LYPD6B: variants seen among roughly 807,000 people sequenced by gnomAD.
LYPD6B encodes ly6/PLAUR domain-containing protein 6B.
In LYPD6B, 17 loss-of-function variants were observed where a neutral mutation model predicts 22.8. That is an observed-to-expected ratio of 0.75 (90% CI 0.51 to 1.12). The LOEUF is 1.12. Ranked by LOEUF, LYPD6B falls within the 50% of genes most tolerant of loss-of-function variation. The probability of loss-of-function intolerance (pLI) is 0.00; values close to 1 mark genes in which losing one functional copy is unlikely to be tolerated. For synonymous variants in LYPD6B, 106 were observed against 91.6 expected, an observed-to-expected ratio of 1.16 and a Z score of -0.90; for missense variants, 221 against 258.3, an observed-to-expected ratio of 0.86 and a Z score of 0.99.
chr2:149,190,431 A>G (rs758732298), intron 3 of LYPD6B, among the ~76,000 whole-genome samples: 25 of 152,230 alleles, frequency 1.6e-4, no homozygotes, highest in Admixed American at 3.9e-4. Context: ...CCTGTAGAAT[A>G]AAACTAGAGT....
intron 1 of LYPD6B, among the ~76,000 whole-genome samples, chr2:149,067,719 A>G (rs945638268): frequency 2.0e-5 from 3 of 151,982 alleles, no homozygotes; most frequent in Non-Finnish European, 2.9e-5. Flanking sequence ...TTTAAATTTT[A>G]TATAATTTAG....
chr2:149,064,451 C>T (rs1474093542), intron 1 of LYPD6B, among the ~76,000 whole-genome samples: 1 of 152,180 alleles, frequency 6.6e-6, no homozygotes, highest in African/African-American at 2.4e-5. Flanking sequence ...CAACATGTCA[C>T]CAGTTATCTT....
chr2:149,073,752 G>C (rs1684753616), intron 1 of LYPD6B, among the ~76,000 whole-genome samples: 2 of 152,110 alleles, frequency 1.3e-5, no homozygotes, highest in East Asian at 3.9e-4. Flanking sequence ...TCTGCAGGCA[G>C]GGTGATGCAC....
chr2:149,054,136 A>G (rs780965639), intron 1 of LYPD6B, among the ~76,000 whole-genome samples: 13 of 152,360 alleles, frequency 8.5e-5, no homozygotes, highest in Admixed American at 2.0e-4. Flanking sequence ...TTGTTGGATC[A>G]TATGGTAACT....
At chr2:149,140,764 C>T (rs17592744) in intron 2 of LYPD6B, among the ~76,000 whole-genome samples, 5,466 of 152,282 alleles carry the variant, frequency 0.036, 147 homozygotes, top group Non-Finnish European at 0.054. Context: ...AATCCAGCAT[C>T]GTGGCATAAA....
At chr2:149,176,268 G>A (rs185850907) in intron 3 of LYPD6B, among the ~76,000 whole-genome samples, 1 of 152,188 alleles carries the variant, frequency 6.6e-6, no homozygotes, top group African/African-American at 2.4e-5. Flanking sequence ...ATCATTATGC[G>A]GCATGTGACT....
intron 1 of LYPD6B, among the ~76,000 whole-genome samples, chr2:149,065,871 G>C (rs1684295440): frequency 6.6e-6 from 1 of 152,000 alleles, no homozygotes; most frequent in African/African-American, 2.4e-5. Context: ...ACTGTGTCTG[G>C]CCCTTTTTTT....
At chr2:149,073,236 C>A (rs1285595748) in intron 1 of LYPD6B, among the ~76,000 whole-genome samples, 1 of 152,218 alleles carries the variant, frequency 6.6e-6, no homozygotes, top group Non-Finnish European at 1.5e-5. Context: ...CTAGCAGGCC[C>A]AGCCCAGTAT....
At chr2:149,117,872 G>C (rs1687081957) in intron 1 of LYPD6B, among the ~76,000 whole-genome samples, 1 of 152,170 alleles carries the variant, frequency 6.6e-6, no homozygotes, top group South Asian at 2.1e-4. Context: ...GAATTCAGAA[G>C]TGGCTTGGCT....
intron 3 of LYPD6B, among the ~76,000 whole-genome samples, chr2:149,165,451 G>A (rs926732908): frequency 6.6e-6 from 1 of 152,172 alleles, no homozygotes; most frequent in African/African-American, 2.4e-5. Context: ...CTGGAATAGG[G>A]ATGGTCTTGT....
intron 1 of LYPD6B, among the ~76,000 whole-genome samples, chr2:149,081,144 C>A (rs1407696185): frequency 1.3e-5 from 2 of 152,172 alleles, no homozygotes; most frequent in Non-Finnish European, 2.9e-5. Context: ...TTACTGACTT[C>A]TTGAGATCTC....
At chr2:149,199,357 C>T (rs1292884335) in intron 3 of LYPD6B, among the ~76,000 whole-genome samples, 3 of 152,154 alleles carry the variant, frequency 2.0e-5, no homozygotes, top group Non-Finnish European at 4.4e-5. Context: ...TGTTATTCCT[C>T]CTCTCAAAGA....
intron 1 of LYPD6B, among the ~76,000 whole-genome samples, chr2:149,107,244 A>G (rs1686523729): frequency 6.6e-6 from 1 of 152,182 alleles, no homozygotes; most frequent in South Asian, 2.1e-4. Context: ...GATAACTGAG[A>G]AGGATACTAA....
chr2:149,076,243 T>C (rs1370612519), intron 1 of LYPD6B, among the ~76,000 whole-genome samples: 4 of 152,206 alleles, frequency 2.6e-5, no homozygotes, highest in African/African-American at 9.6e-5. Flanking sequence ...TGGCATGCCT[T>C]ATATAGCAGC....
intron 2 of LYPD6B, among the ~76,000 whole-genome samples, chr2:149,150,125 C>T (rs1689277827): frequency 6.6e-6 from 1 of 152,132 alleles, no homozygotes; most frequent in Non-Finnish European, 1.5e-5. Flanking sequence ...CTCACTGTAC[C>T]TAGAGGTTAT....
intron 5 of LYPD6B, 89 bp from the exon 6 acceptor site, chr2:149,212,903 C>G (rs1693962122): frequency 7.4e-7 from 1 of 1,343,520 alleles, no homozygotes; most frequent in Non-Finnish European, 1.0e-6. Flanking sequence ...TGAGTCCTTT[C>G]TGCATTAATT....
chr2:149,051,799 G>A (rs1476523742), intron 1 of LYPD6B, among the ~76,000 whole-genome samples: 1 of 152,006 alleles, frequency 6.6e-6, no homozygotes, highest in Non-Finnish European at 1.5e-5. Context: ...CTGTGTAGCT[G>A]GGATTTCAGG....
At chr2:149,152,212 C>T (rs546913546) in intron 2 of LYPD6B, among the ~76,000 whole-genome samples, 9 of 152,250 alleles carry the variant, frequency 5.9e-5, no homozygotes, top group South Asian at 4.1e-4. Context: ...TATCACCAAA[C>T]GCAGGCTCCT....
intron 2 of LYPD6B, among the ~76,000 whole-genome samples, chr2:149,141,172 G>A (rs1688670205): frequency 6.6e-6 from 1 of 152,172 alleles, no homozygotes; most frequent in South Asian, 2.1e-4. Context: ...GGTCAGGGCA[G>A]GCTTTTGTGA....
Sources: allele counts gnomAD v4.1 joint callset (sites outside exome capture counted in the v4.1 genomes callset), GRCh38; gene constraint gnomAD v4.1.1; transcripts MANE v1.5; gene names NCBI Gene and HGNC (gene_info 2026-07-23, HGNC 2026-07-21).